HERC3: variants seen among roughly 807,000 people sequenced by gnomAD.
HERC3 encodes HECT and RLD domain containing E3 ubiquitin protein ligase 3.
HERC3 carries 58 observed loss-of-function variants against 129.9 expected under a neutral mutation model. The observed-to-expected ratio is 0.45, with a 90% CI of 0.36 to 0.56. The LOEUF (loss-of-function observed/expected upper bound fraction) is 0.56. Ranked by LOEUF, HERC3 falls within the 20% of genes least tolerant of loss-of-function variation. The pLI is 0.00. For synonymous variants in HERC3, 430 were observed against 451.0 expected, an observed-to-expected ratio of 0.95 and a Z score of 0.59; for missense variants, 835 against 1,244.2, an observed-to-expected ratio of 0.67 and a Z score of 4.95.
chr4:88,587,037 G>T, the HERC3 span, among the ~76,000 whole-genome samples: 2 of 152,140 alleles, frequency 1.3e-5, no homozygotes, highest in African/African-American at 4.8e-5. Context: ...TCTGTGAGAA[G>T]AATAATCTGT....
intron 2 of HERC3, among the ~76,000 whole-genome samples, chr4:88,600,398 G>A (rs899182227): frequency 6.6e-6 from 1 of 152,206 alleles, no homozygotes; most frequent in Non-Finnish European, 1.5e-5. Flanking sequence ...TCAGCCAGCT[G>A]ACGCATAACC....
At chr4:88,606,126 A>C in intron 3 of HERC3, 77 bp downstream of exon 3, 1 of 1,151,224 alleles carries the variant, frequency 8.7e-7, no homozygotes, top group Non-Finnish European at 1.2e-6. Context: ...GCCCAGATGG[A>C]GCTTTCTCCA....
upstream of HERC3, among the ~76,000 whole-genome samples, chr4:88,590,484 G>A (rs895040613): frequency 6.6e-6 from 1 of 152,122 alleles, no homozygotes; most frequent in Non-Finnish European, 1.5e-5. Context: ...GCGTGAATCC[G>A]GGAGGCGCAG....
intron 3 of HERC3, among the ~76,000 whole-genome samples, chr4:88,620,453 T>C (rs917735163): frequency 6.6e-6 from 1 of 152,200 alleles, no homozygotes. Flanking sequence ...CATCCCTGAT[T>C]TGTCTTGTCT....
chr4:88,563,717 C>T, the HERC3 span, among the ~76,000 whole-genome samples: 37 of 149,502 alleles, frequency 2.5e-4, no homozygotes, highest in Non-Finnish European at 4.3e-4. Flanking sequence ...TGGAGTGCAG[C>T]GGCATGATCT....
Position 88,605,815 on chromosome 4 carries a change from A to G in HERC3, c.-9A>G. Reference sequence around the variant, plus strand: ...CCTAGGCTACATGATTCCCTGAAAGATAAGAACAATGTTATGTTGGGGATA... The same window carrying G: ...CCTAGGCTACATGATTCCCTGAAAGGTAAGAACAATGTTATGTTGGGGATA... On this transcript the variant is annotated 5_prime_UTR_variant, in exon 3 of 26. Transcript: ENST00000402738. 1 of 1,607,634 alleles carries G rather than the reference A, an allele frequency of 6.2e-7. No individual in the cohort carries two copies. Among genetic ancestry groups the G allele is most frequent in the Non-Finnish European group, 8.5e-7 (1 of 1,174,016 alleles).
At chr4:88,540,273 C>G in the HERC3 span, among the ~76,000 whole-genome samples, 1 of 152,154 alleles carries the variant, frequency 6.6e-6, no homozygotes, top group Non-Finnish European at 1.5e-5. Context: ...AGCTGAAAAC[C>G]ACAGTGCGAG....
At chr4:88,693,437 TA>T (rs945048593) in intron 23 of HERC3, 105 of 951,100 alleles carry the variant, frequency 1.1e-4, no homozygotes, top group South Asian at 3.4e-4. Context: ...GTGTATTCTT[TA>T]AAAAAAAAGT....
At chr4:88,657,645 A>G (rs1730053627) in intron 9 of HERC3, among the ~76,000 whole-genome samples, 1 of 152,264 alleles carries the variant, frequency 6.6e-6, no homozygotes, top group African/African-American at 2.4e-5. Context: ...TAACATAAGC[A>G]GGTAAATGTC....
chr4:88,572,012 A>G, the HERC3 span, among the ~76,000 whole-genome samples: 1 of 152,178 alleles, frequency 6.6e-6, no homozygotes. Flanking sequence ...CCCTAATCCA[A>G]TATGACTGAT....
At chr4:88,630,953 C>T (rs1330700351) in intron 3 of HERC3, among the ~76,000 whole-genome samples, 2 of 152,186 alleles carry the variant, frequency 1.3e-5, no homozygotes, top group Admixed American at 6.5e-5. Context: ...AAAGTCTACT[C>T]CCCTCCCATT....
At chr4:88,614,021 G>A (rs951849106) in intron 3 of HERC3, among the ~76,000 whole-genome samples, 35 of 152,116 alleles carry the variant, frequency 2.3e-4, no homozygotes, top group African/African-American at 8.5e-4. Context: ...TTTAGAAAAT[G>A]TGTACTTATT....
At chr4:88,691,402 A>G (rs183450077) in intron 23 of HERC3, among the ~76,000 whole-genome samples, 2 of 152,348 alleles carry the variant, frequency 1.3e-5, no homozygotes, top group Admixed American at 6.5e-5. Context: ...CTTATAAACA[A>G]CACAAATGTA....
At position 88,708,286 on chromosome 4, in the gene HERC3, A is replaced by G. The variant is rs751913471; in HGVS notation, c.*1326A>G. The G allele has an allele frequency of 3.9e-5, 6 of 152,604 alleles. No individual in the cohort carries two copies. Among genetic ancestry groups the G allele is most frequent in the Non-Finnish European group, 8.8e-5 (6 of 68,040 alleles). The allele number at this position is 152,604 out of a possible 1,614,324, so 9.5% of individuals were successfully genotyped here. ...TAAGTCTAATTTTAAATTCCTAGTAACTAGAGAAAAGACTTATTTATATAA... is the reference window on the plus strand; with the variant it reads ...TAAGTCTAATTTTAAATTCCTAGTAGCTAGAGAAAAGACTTATTTATATAA... On this transcript the variant is annotated 3_prime_UTR_variant, in exon 26 of 26. Coordinates refer to ENST00000402738, the MANE Select transcript of HERC3 (RefSeq NM_014606.3).
At chr4:88,687,074 C>T (rs3737487) in intron 22 of HERC3, 143 bp from the exon 23 acceptor site, 103,715 of 669,368 alleles carry the variant, frequency 0.15, 8,917 homozygotes, top group East Asian at 0.22. Context: ...TTTTCTGACT[C>T]AAGTTCTGAT....
At chr4:88,526,526 CTTATTTT>C in the HERC3 span, among the ~76,000 whole-genome samples, 20 of 152,198 alleles carry the variant, frequency 1.3e-4, no homozygotes, top group East Asian at 3.7e-3. Flanking sequence ...TTTGACAACA[CTTATTTT>C]TTATTTTTAT....
At chr4:88,525,929 G>T in the HERC3 span, among the ~76,000 whole-genome samples, 1 of 152,168 alleles carries the variant, frequency 6.6e-6, no homozygotes, top group Non-Finnish European at 1.5e-5. Context: ...ACATAGGCCT[G>T]TGCACAATAA....
chr4:88,568,607 G>A, the HERC3 span, among the ~76,000 whole-genome samples: 1 of 152,134 alleles, frequency 6.6e-6, no homozygotes, highest in Non-Finnish European at 1.5e-5. Flanking sequence ...TCTCACTGGA[G>A]GCACATGATG....
At chr4:88,595,006 G>T (rs1325549020) in intron 1 of HERC3, among the ~76,000 whole-genome samples, 1 of 150,274 alleles carries the variant, frequency 6.7e-6, no homozygotes, top group Non-Finnish European at 1.5e-5. Context: ...GGAGGCTGAG[G>T]CAGGAGAATC....
Sources: allele counts gnomAD v4.1 joint callset (sites outside exome capture counted in the v4.1 genomes callset), GRCh38; gene constraint gnomAD v4.1.1; transcripts MANE v1.5; gene names NCBI Gene and HGNC (gene_info 2026-07-23, HGNC 2026-07-21).